Variants in PTPRK observed in about 807,000 individuals in gnomAD.
The protein encoded by PTPRK is protein tyrosine phosphatase receptor type K.
In PTPRK, 75 loss-of-function variants were observed where a neutral mutation model predicts 178.0. The observed-to-expected ratio is 0.42, with a 90% CI of 0.35 to 0.51. PTPRK has a LOEUF of 0.51. Among genes scored for constraint, PTPRK ranks in the 20% least tolerant of loss-of-function variants. The probability of loss-of-function intolerance (pLI) is 0.02; values close to 1 mark genes in which losing one functional copy is unlikely to be tolerated. For synonymous variants in PTPRK, 637 were observed against 620.6 expected (o/e 1.03, Z -0.39); for missense variants, 1,441 against 1,797.8 (o/e 0.80, Z 3.59).
At chr6:128,381,083 CTCA>C (rs1837844036) in intron 2 of PTPRK, among the ~76,000 whole-genome samples, 1 of 152,074 alleles carries the variant, frequency 6.6e-6, no homozygotes, top group African/African-American at 2.4e-5. Context: ...TTTCCAGTGT[CTCA>C]GCTTTAAATG....
intron 13 of PTPRK, among the ~76,000 whole-genome samples, chr6:128,017,193 A>G (rs1200380073): frequency 1.3e-5 from 2 of 152,126 alleles, no homozygotes; most frequent in Non-Finnish European, 2.9e-5. Flanking sequence ...CCCTTCCTAC[A>G]AGTTCCATTT....
chr6:128,007,295 A>G (rs1201459004), intron 14 of PTPRK, among the ~76,000 whole-genome samples: 1 of 150,904 alleles, frequency 6.6e-6, no homozygotes, highest in Admixed American at 6.6e-5. Context: ...AGAAGGTAAC[A>G]TATCTAAATA....
At chr6:128,260,772 T>C (rs907541808) in intron 3 of PTPRK, among the ~76,000 whole-genome samples, 4 of 152,300 alleles carry the variant, frequency 2.6e-5, no homozygotes, top group African/African-American at 9.6e-5. Context: ...CCCTGAACTT[T>C]CATGTACATT....
At chr6:128,513,750 T>C (rs1857515100) in intron 1 of PTPRK, among the ~76,000 whole-genome samples, 1 of 152,174 alleles carries the variant, frequency 6.6e-6, no homozygotes, top group African/African-American at 2.4e-5. Flanking sequence ...CTGGGGTGAC[T>C]CTGATGATCA....
intron 3 of PTPRK, among the ~76,000 whole-genome samples, chr6:128,318,187 C>T (rs1828298250): frequency 6.6e-6 from 1 of 152,120 alleles, no homozygotes; most frequent in Non-Finnish European, 1.5e-5. Context: ...ATGGATGGTT[C>T]ATGAGTATGT....
In PTPRK at chr6:128,014,896, C is replaced by T. The variant is rs111298652; in HGVS notation, c.2195-5628G>A. 3.0e-3 allele frequency among the ~76,000 whole-genome samples: 457 copies of T among 151,610 alleles called. 3 individuals carry two copies. Among genetic ancestry groups the T allele is most frequent in the Non-Finnish European group, 3.1e-3 (212 of 67,700 alleles). On this transcript the variant is annotated intron_variant, in intron 13 of 29. Coordinates refer to ENST00000368226, the MANE Select transcript of PTPRK (RefSeq NM_002844.4). ...AGATCACTGACTAAAACAGGGTCTACCAGAGATTTTACTGGTGAGAAAAGA... is the reference window on the plus strand; with the variant it reads ...AGATCACTGACTAAAACAGGGTCTATCAGAGATTTTACTGGTGAGAAAAGA...
At chr6:128,250,576 C>T (rs1330919231) in intron 3 of PTPRK, among the ~76,000 whole-genome samples, 1 of 152,110 alleles carries the variant, frequency 6.6e-6, no homozygotes, top group Admixed American at 6.6e-5. Flanking sequence ...GCTGAACTCA[C>T]AAAATTGTGT....
intron 8 of PTPRK, among the ~76,000 whole-genome samples, 166 bp from the exon 9 acceptor site, chr6:128,083,990 T>G (rs1274585699): frequency 6.6e-6 from 1 of 152,122 alleles, no homozygotes. Context: ...CTGATTTTAC[T>G]TCGATATATG....
At chr6:128,194,904 A>T (rs556822276) in intron 6 of PTPRK, among the ~76,000 whole-genome samples, 1 of 152,296 alleles carries the variant, frequency 6.6e-6, no homozygotes, top group African/African-American at 2.4e-5. Flanking sequence ...CATTCATTTC[A>T]TATTAAGACA....
At chr6:128,137,124 A>G (rs543708491) in intron 7 of PTPRK, among the ~76,000 whole-genome samples, 7 of 152,300 alleles carry the variant, frequency 4.6e-5, no homozygotes, top group South Asian at 2.1e-4. Flanking sequence ...TTCTCATTTA[A>G]TTACTTTCTG....
intron 5 of PTPRK, among the ~76,000 whole-genome samples, chr6:128,233,308 T>C (rs567137977): frequency 7.2e-5 from 11 of 152,214 alleles, no homozygotes; most frequent in Non-Finnish European, 1.3e-4. Flanking sequence ...ATTAACTCAA[T>C]TGTTTAGAAA....
intron 1 of PTPRK, among the ~76,000 whole-genome samples, chr6:128,426,778 C>T (rs552381315): frequency 2.6e-5 from 4 of 152,150 alleles, no homozygotes; most frequent in South Asian, 2.1e-4. Flanking sequence ...TACATAAGGT[C>T]GACTTACAAA....
intron 7 of PTPRK, among the ~76,000 whole-genome samples, chr6:128,114,463 C>T (rs1417101902): frequency 2.0e-5 from 3 of 151,662 alleles, no homozygotes; most frequent in Admixed American, 6.6e-5. Flanking sequence ...AGTAAAAATA[C>T]AAAACAATTA....
chr6:128,406,288 A>T (rs918136184), intron 1 of PTPRK, among the ~76,000 whole-genome samples: 1 of 151,884 alleles, frequency 6.6e-6, no homozygotes, highest in East Asian at 1.9e-4. Flanking sequence ...ATAAAACTTT[A>T]TCTTCCTATA....
At chr6:128,294,428 T>C (rs1355785326) in intron 3 of PTPRK, among the ~76,000 whole-genome samples, 1 of 152,110 alleles carries the variant, frequency 6.6e-6, no homozygotes, top group Non-Finnish European at 1.5e-5. Context: ...TTCATATCTA[T>C]TTCTCTTCTG....
intron 23 of PTPRK, 34 bp downstream of exon 23, chr6:127,983,208 T>TA: frequency 6.0e-6 from 9 of 1,502,216 alleles, no homozygotes; most frequent in Admixed American, 2.5e-5. Context: ...AAATAAAAAA[T>TA]AAAAAAAAGT....
intron 1 of PTPRK, among the ~76,000 whole-genome samples, chr6:128,486,338 C>A (rs1852875324): frequency 6.6e-6 from 1 of 151,860 alleles, no homozygotes; most frequent in South Asian, 2.1e-4. Context: ...TTTGAAATCC[C>A]AAGTATTTAT....
chr6:128,340,627 C>T (rs539485174), intron 2 of PTPRK, among the ~76,000 whole-genome samples: 1 of 152,188 alleles, frequency 6.6e-6, no homozygotes, highest in East Asian at 1.9e-4. Flanking sequence ...ATTAACATAC[C>T]ATAAGTTTAC....
rs368698660 is a variant in PTPRK at position 128,263,716 on chromosome 6, AAC to A, written c.496-21116_496-21115del. ...CAAGATCACAACTTCCTAAAAATTT[AAC>A]AGTTAGCATTTGAGAGTCTGTACAA... On this transcript the variant is annotated intron_variant, in intron 3 of 29. Coordinates refer to ENST00000368226, the MANE Select transcript of PTPRK (RefSeq NM_002844.4). Among the ~76,000 whole-genome samples the A allele has an allele frequency of 3.5e-3, 533 of 152,316 alleles. 2 individuals are homozygous for A. Among genetic ancestry groups the A allele is most frequent in the African/African-American group, 0.012 (506 of 41,578 alleles).
Sources: allele counts gnomAD v4.1 joint callset (sites outside exome capture counted in the v4.1 genomes callset), GRCh38; gene constraint gnomAD v4.1.1; transcripts MANE v1.5; gene names NCBI Gene and HGNC (gene_info 2026-07-23, HGNC 2026-07-21).